Variants in PSD3 observed in about 807,000 individuals in gnomAD.
The protein encoded by PSD3 is pleckstrin and Sec7 domain containing 3.
PSD3 carries 49 observed loss-of-function variants against 105.5 expected under a neutral mutation model. The ratio of observed to expected loss-of-function variants is 0.46; its 90% confidence interval spans 0.37 to 0.59. The LOEUF (loss-of-function observed/expected upper bound fraction) is 0.59, where lower values mean the gene tolerates loss of function less well. PSD3 is among the 20% of genes least tolerant of loss of function. The pLI is 0.00. For missense variants in PSD3, 1,561 were observed against 1,263.8 expected (o/e 1.24, Z -3.57); for synonymous variants, 557 against 457.8 (o/e 1.22, Z -2.77).
At chr8:18,747,442 G>A (rs1805120271) in intron 9 of PSD3, among the ~76,000 whole-genome samples, 1 of 152,222 alleles carries the variant, frequency 6.6e-6, no homozygotes, top group Admixed American at 6.5e-5. Context: ...GCAAAGTAAT[G>A]TATTCTCAAA....
intron 9 of PSD3, among the ~76,000 whole-genome samples, chr8:18,748,370 A>AT (rs771929175): frequency 2.0e-4 from 30 of 152,014 alleles, no homozygotes; most frequent in Non-Finnish European, 3.8e-4. Context: ...GCTAATAAAG[A>AT]TTTTTCCAGG....
chr8:18,835,588 C>T (rs1245417511), intron 4 of PSD3, among the ~76,000 whole-genome samples: 1 of 152,034 alleles, frequency 6.6e-6, no homozygotes, highest in African/African-American at 2.4e-5. Flanking sequence ...AGCCAAGGGG[C>T]CGTGGGGAAG....
intron 1 of PSD3, among the ~76,000 whole-genome samples, chr8:18,959,034 C>A (rs1210706408): frequency 6.6e-6 from 1 of 151,844 alleles, no homozygotes; most frequent in Non-Finnish European, 1.5e-5. Flanking sequence ...GATTCTTCTG[C>A]CTCAGCCTCC....
At chr8:18,819,575 A>ATTTTTTTTTTTTTTTTTTT (rs746931460) in intron 4 of PSD3, among the ~76,000 whole-genome samples, 1 of 111,320 alleles carries the variant, frequency 9.0e-6, no homozygotes, top group African/African-American at 3.5e-5. Flanking sequence ...ATTAGAATGG[A>ATTTTTTTTTTTTTTTTTTT]TTTTTTTTTT....
intron 15 of PSD3, among the ~76,000 whole-genome samples, chr8:18,554,018 T>C (rs1800926794): frequency 6.6e-6 from 1 of 152,136 alleles, no homozygotes; most frequent in Admixed American, 6.5e-5. Context: ...TCTAACTTCA[T>C]GTCAGGGATT....
intron 15 of PSD3, among the ~76,000 whole-genome samples, chr8:18,536,976 T>A (rs1799880018): frequency 1.3e-5 from 2 of 152,168 alleles, no homozygotes; most frequent in South Asian, 4.1e-4. Context: ...GCAGGCAAAT[T>A]CTGTTTTGAC....
intron 9 of PSD3, among the ~76,000 whole-genome samples, chr8:18,722,886 G>A: frequency 6.6e-6 from 1 of 152,102 alleles, no homozygotes; most frequent in East Asian, 1.9e-4. Flanking sequence ...TTCAGCACCC[G>A]TTATGCGAAC....
At chr8:18,955,229 G>A (rs1398862226) in intron 1 of PSD3, among the ~76,000 whole-genome samples, 2 of 152,090 alleles carry the variant, frequency 1.3e-5, no homozygotes, top group Non-Finnish European at 2.9e-5. Flanking sequence ...CTAGACACCT[G>A]ATATACATGA....
intron 1 of PSD3, among the ~76,000 whole-genome samples, chr8:19,044,249 A>G (rs1586661613): frequency 6.6e-6 from 1 of 152,150 alleles, no homozygotes; most frequent in Non-Finnish European, 1.5e-5. Flanking sequence ...TTGCCTTACT[A>G]TTGAATTACT....
At chr8:18,660,565 C>T (rs1809272009) in intron 9 of PSD3, among the ~76,000 whole-genome samples, 1 of 152,150 alleles carries the variant, frequency 6.6e-6, no homozygotes, top group African/African-American at 2.4e-5. Context: ...ACAGTCTTTC[C>T]CCACAGTGGT....
intron 1 of PSD3, among the ~76,000 whole-genome samples, chr8:18,995,767 C>T (rs998279635): frequency 6.6e-6 from 1 of 151,952 alleles, no homozygotes; most frequent in East Asian, 1.9e-4. Flanking sequence ...AGGGGAACTG[C>T]CTTTTATAAA....
intron 1 of PSD3, among the ~76,000 whole-genome samples, chr8:19,006,294 C>CAAAA (rs58023537): frequency 3.7e-5 from 3 of 80,822 alleles, no homozygotes; most frequent in Non-Finnish European, 5.6e-5. Flanking sequence ...AACTCCATCT[C>CAAAA]AAAAAAAAAA....
At chr8:18,765,832 G>C (rs1039250781) in intron 8 of PSD3, among the ~76,000 whole-genome samples, 1 of 152,000 alleles carries the variant, frequency 6.6e-6, no homozygotes, top group African/African-American at 2.4e-5. Flanking sequence ...GTTTGGCATG[G>C]TGGCATGCAC....
At chr8:18,924,491 C>T (rs1821237307) in intron 2 of PSD3, 2 of 152,138 alleles carry the variant, frequency 1.3e-5, no homozygotes, top group African/African-American at 4.8e-5. Context: ...AACTTCTATC[C>T]GTGGTGAAAA....
intron 1 of PSD3, among the ~76,000 whole-genome samples, chr8:19,031,150 T>C (rs982652885): frequency 3.9e-5 from 6 of 152,204 alleles, no homozygotes; most frequent in Admixed American, 3.9e-4. Context: ...CTCTGTCTAC[T>C]GTAGGATTAT....
At position 18,801,364 on chromosome 8, in the gene PSD3, G is replaced by A. The variant is rs373439769; in HGVS notation, c.1929C>T (p.Phe643=). The change falls in exon 7 of 16, where the codon TTC becomes TTT. Residue 643 remains phenylalanine (F), a synonymous_variant. Transcript: ENST00000327040. ...GTTCTTGAGTTTCTCCCACAAGAGA[G>A]AATGCTTTAAAGAAATACCTACAAG... ...DQSLRYFFKA[F]SLVGETQERE... 8 of 1,600,342 alleles carry A rather than the reference G, an allele frequency of 5.0e-6. No homozygotes were observed. Among genetic ancestry groups the A allele is most frequent in the Non-Finnish European group, 6.8e-6 (8 of 1,170,590 alleles).
chr8:18,609,357 G>T (rs1469366600), intron 11 of PSD3, among the ~76,000 whole-genome samples: 2 of 152,196 alleles, frequency 1.3e-5, no homozygotes, highest in African/African-American at 4.8e-5. Context: ...ATTTCCTGAG[G>T]TTAACGGAGA....
chr8:18,543,268 A>AT (rs1255516768), intron 15 of PSD3, among the ~76,000 whole-genome samples: 29 of 151,762 alleles, frequency 1.9e-4, no homozygotes, highest in Admixed American at 1.4e-3. Context: ...TCCTTATTAC[A>AT]TTTTTTTGCT....
chr8:18,683,660 T>A, intron 9 of PSD3: 1 of 658,334 alleles, frequency 1.5e-6, no homozygotes, highest in Non-Finnish European at 2.8e-6. Flanking sequence ...AACCATTTTA[T>A]ACTCCTCGTT....
Sources: allele counts gnomAD v4.1 joint callset (sites outside exome capture counted in the v4.1 genomes callset), GRCh38; gene constraint gnomAD v4.1.1; transcripts MANE v1.5; gene names NCBI Gene and HGNC (gene_info 2026-07-23, HGNC 2026-07-21).